GLIS3: variants seen among roughly 807,000 people sequenced by gnomAD.
GLIS3 encodes the protein GLIS family zinc finger 3, also known as zinc finger protein GLIS3.
In GLIS3, 53 loss-of-function variants were observed where a neutral mutation model predicts 78.6. The ratio of observed to expected loss-of-function variants is 0.67; its 90% CI spans 0.54 to 0.85. The LOEUF is 0.85. GLIS3 is among the 40% of genes least tolerant of loss of function. The pLI is 0.00. For missense variants in GLIS3, 1,703 were observed against 1,231.1 expected (o/e 1.38, Z -5.74); for synonymous variants, 684 against 509.9 (o/e 1.34, Z -4.60).
intron 6 of GLIS3, among the ~76,000 whole-genome samples, chr9:3,929,642 G>A (rs180813249): frequency 1.3e-5 from 2 of 152,096 alleles, no homozygotes. Flanking sequence ...GGCAAGCAGG[G>A]TATATTAAAT....
rs571274815 is a variant in GLIS3 at position 3,960,236 on chromosome 9, A to G, written c.1711-23047T>C. 3.2e-3 allele frequency among the ~76,000 whole-genome samples: 488 copies of G among 152,328 alleles called. 2 individuals carry two copies. The highest frequency in any genetic ancestry group is 0.011 in the African/African-American group (462 of 41,592). On this transcript the variant is annotated intron_variant, in intron 4 of 10. Coordinates refer to ENST00000381971, the MANE Select transcript of GLIS3 (RefSeq NM_001042413.2). ...TGTGTAAATATGAAGATGGCCATCT[A>G]TAAGCTAAAGAGAGAAGAGCCTGGG...
intron 4 of GLIS3, among the ~76,000 whole-genome samples, chr9:4,039,521 G>A (rs1824623394): frequency 1.3e-5 from 2 of 152,044 alleles, no homozygotes; most frequent in African/African-American, 4.8e-5. Flanking sequence ...AACACAGGAC[G>A]GCAGCCTCAA....
chr9:3,935,371 C>T (rs374338435), intron 5 of GLIS3, among the ~76,000 whole-genome samples: 10 of 151,786 alleles, frequency 6.6e-5, no homozygotes, highest in East Asian at 3.8e-4. Context: ...GTTTTAAAAG[C>T]GATTGCATTA....
chr9:4,395,025 C>T, the GLIS3 span, among the ~76,000 whole-genome samples: 2,031 of 152,210 alleles, frequency 0.013, 35 homozygotes, highest in African/African-American at 0.046. Flanking sequence ...TTCGGAACCA[C>T]GAATCTAGAG....
At chr9:4,296,827 C>T (rs1177766255) in intron 1 of GLIS3, among the ~76,000 whole-genome samples, 2 of 148,778 alleles carry the variant, frequency 1.3e-5, no homozygotes, top group Non-Finnish European at 3.0e-5. Flanking sequence ...TCTGGCTGCG[C>T]AGATGACCAG....
intron 4 of GLIS3, among the ~76,000 whole-genome samples, chr9:4,307,631 A>T (rs776239247): frequency 2.4e-4 from 36 of 152,200 alleles, no homozygotes; most frequent in Non-Finnish European, 3.8e-4. Context: ...TGTGGATGGC[A>T]TTAAGGTTGC....
At chr9:4,338,588 G>C (rs745388314) in intron 2 of GLIS3, among the ~76,000 whole-genome samples, 36 of 152,092 alleles carry the variant, frequency 2.4e-4, no homozygotes, top group Non-Finnish European at 4.6e-4. Context: ...ATTTCAAATA[G>C]GTCTGGAAGA....
At chr9:4,022,426 C>G (rs960952673) in intron 4 of GLIS3, among the ~76,000 whole-genome samples, 5 of 152,200 alleles carry the variant, frequency 3.3e-5, no homozygotes, top group Non-Finnish European at 7.3e-5. Flanking sequence ...CAACCTGGTT[C>G]TATCCATTTA....
At chr9:4,009,391 C>T (rs1429384786) in intron 4 of GLIS3, among the ~76,000 whole-genome samples, 1 of 152,192 alleles carries the variant, frequency 6.6e-6, no homozygotes, top group African/African-American at 2.4e-5. Flanking sequence ...ACACGTGTAA[C>T]AGGCGCCAGC....
At chr9:4,378,987 G>C in the GLIS3 span, among the ~76,000 whole-genome samples, 1 of 152,222 alleles carries the variant, frequency 6.6e-6, no homozygotes, top group South Asian at 2.1e-4. Context: ...GACAGGTGGA[G>C]ATTGTTAAGG....
At chr9:3,923,570 G>A (rs763790521) in intron 6 of GLIS3, among the ~76,000 whole-genome samples, 1 of 84,862 alleles carries the variant, frequency 1.2e-5, no homozygotes, top group African/African-American at 4.9e-5. Flanking sequence ...ATGTGCAAGT[G>A]TTTCAGAAAG....
the GLIS3 span, among the ~76,000 whole-genome samples, chr9:4,453,288 C>T: frequency 9.1e-6 from 1 of 109,726 alleles, no homozygotes; most frequent in African/African-American, 3.2e-5. Context: ...AAAGCAATGG[C>T]AACAAAAGTC....
chr9:4,422,721 T>G, the GLIS3 span, among the ~76,000 whole-genome samples: 2 of 152,068 alleles, frequency 1.3e-5, no homozygotes, highest in African/African-American at 4.8e-5. Context: ...CTGAAGAAAG[T>G]GAAGCAGGTT....
At chr9:3,993,297 G>A (rs773782420) in intron 4 of GLIS3, among the ~76,000 whole-genome samples, 3 of 152,256 alleles carry the variant, frequency 2.0e-5, no homozygotes, top group African/African-American at 7.2e-5. Flanking sequence ...AGTCAGAGAG[G>A]CAGGTGTAAT....
At chr9:4,223,605 G>A (rs945990192) in intron 2 of GLIS3, among the ~76,000 whole-genome samples, 3 of 152,052 alleles carry the variant, frequency 2.0e-5, no homozygotes, top group South Asian at 4.1e-4. Context: ...AAAACACCAC[G>A]TGAACAACCA....
chr9:4,119,773 T>C (rs1410885826), intron 3 of GLIS3, among the ~76,000 whole-genome samples: 1 of 152,256 alleles, frequency 6.6e-6, no homozygotes, highest in Non-Finnish European at 1.5e-5. Flanking sequence ...TCTCACAATA[T>C]ATTATCTGCA....
the GLIS3 span, among the ~76,000 whole-genome samples, chr9:4,360,739 T>C: frequency 4.6e-5 from 7 of 152,196 alleles, no homozygotes; most frequent in African/African-American, 1.7e-4. Context: ...TAGGCTGCCT[T>C]TTCCTGACAC....
intron 4 of GLIS3, among the ~76,000 whole-genome samples, chr9:3,985,840 T>C (rs187922687): frequency 7.2e-4 from 110 of 152,336 alleles, no homozygotes; most frequent in African/African-American, 2.4e-3. Context: ...GATGGAACAA[T>C]CTACTTTTGT....
chr9:4,008,591 T>C (rs1227815756), intron 4 of GLIS3, among the ~76,000 whole-genome samples: 1 of 152,214 alleles, frequency 6.6e-6, no homozygotes, highest in Non-Finnish European at 1.5e-5. Flanking sequence ...AGTTGATTTC[T>C]GTGGCCAGCT....
Sources: allele counts gnomAD v4.1 joint callset (sites outside exome capture counted in the v4.1 genomes callset), GRCh38; gene constraint gnomAD v4.1.1; transcripts MANE v1.5; gene names NCBI Gene and HGNC (gene_info 2026-07-23, HGNC 2026-07-21).